RAPH1: variants seen among roughly 807,000 people sequenced by gnomAD.
RAPH1 encodes the protein ras-associated and pleckstrin homology domains-containing protein 1.
A neutral mutation model predicts 88.1 loss-of-function variants in RAPH1; 18 were observed. The ratio of observed to expected loss-of-function variants is 0.20; its 90% CI spans 0.14 to 0.30. The LOEUF is 0.30. RAPH1 is among the 10% of genes least tolerant of loss of function. RAPH1 has a pLI of 1.00. For synonymous variants in RAPH1, 587 were observed against 559.0 expected (o/e 1.05, Z -0.71); for missense variants, 1,448 against 1,543.2 (o/e 0.94, Z 1.03).
intron 4 of RAPH1, among the ~76,000 whole-genome samples, chr2:203,474,063 C>T (rs2098535345): frequency 6.6e-6 from 1 of 152,108 alleles, no homozygotes; most frequent in African/African-American, 2.4e-5. Flanking sequence ...GGTATCTAAC[C>T]CCAAATTAGC....
At chr2:203,447,057 G>A (rs2098510441) in intron 12 of RAPH1, 1 of 151,992 alleles carries the variant, frequency 6.6e-6, no homozygotes, top group Admixed American at 6.6e-5. Context: ...TGGCCCTACT[G>A]TCGTTTTTTA....
chr2:203,516,790 T>C (rs544677147), intron 1 of RAPH1, among the ~76,000 whole-genome samples: 6 of 151,532 alleles, frequency 4.0e-5, no homozygotes, highest in South Asian at 2.1e-4. Context: ...TCCCAGCACT[T>C]TGGGAGGCCA....
intron 10 of RAPH1, among the ~76,000 whole-genome samples, chr2:203,451,011 C>T (rs1479880311): frequency 6.6e-6 from 1 of 151,740 alleles, no homozygotes; most frequent in Non-Finnish European, 1.5e-5. Flanking sequence ...CTGAAGAGTA[C>T]TATGGTATAA....
At chr2:203,464,322 A>C (rs1221458237) in intron 4 of RAPH1, among the ~76,000 whole-genome samples, 2 of 152,172 alleles carry the variant, frequency 1.3e-5, no homozygotes, top group Non-Finnish European at 2.9e-5. Flanking sequence ...CCCAGGCTGG[A>C]GTGCAGTGGC....
rs561125011 is a variant in RAPH1, at chr2:203,434,399, C to A, written c.*5038G>T. 7 of 152,636 alleles carry A rather than the reference C, an allele frequency of 4.6e-5. No homozygotes were observed. The South Asian group carries it at 8.3e-4, about 18-fold the overall frequency. 9.5% of individuals were successfully genotyped at this position (152,636 alleles called of 1,614,324 possible). ...TCCCAGTTAAATATAATGTGCAATT[C>A]CCCTTTAACAGTAAACAATGTTTTT... On this transcript the variant is annotated 3_prime_UTR_variant, in exon 14 of 14. Transcript: ENST00000319170.
intron 1 of RAPH1, among the ~76,000 whole-genome samples, chr2:203,534,877 G>C (rs1420580423): frequency 6.6e-6 from 1 of 151,996 alleles, no homozygotes; most frequent in Admixed American, 6.5e-5. Context: ...AGGGGCGCAG[G>C]GTGCAGTCCA....
chr2:203,495,505 A>G lies in RAPH1; in HGVS notation c.1-152T>C, dbSNP rs182310621. The stretch of plus-strand genomic sequence containing the variant: ...TCTAAAAGAAAATCTTAAGTCATTA[A>G]TGGAGACAGTGTTCACAAGTGAGTA... On this transcript the variant is annotated intron_variant, in intron 1 of 13. Transcript: ENST00000319170. 1,896 of 739,924 alleles carry G rather than the reference A, an allele frequency of 2.6e-3. 20 individuals carry two copies. The Middle Eastern group carries it at 0.031, about 12-fold the overall frequency. 45.8% of individuals were successfully genotyped at this position (739,924 alleles called of 1,614,324 possible).
intron 1 of RAPH1, among the ~76,000 whole-genome samples, chr2:203,512,161 G>A (rs1239187763): frequency 2.0e-5 from 3 of 151,344 alleles, no homozygotes; most frequent in South Asian, 4.2e-4. Flanking sequence ...GGTGGTGGTG[G>A]CTCACACCTA....
intron 4 of RAPH1, among the ~76,000 whole-genome samples, chr2:203,475,373 C>T (rs1687366527): frequency 1.3e-5 from 2 of 152,010 alleles, no homozygotes; most frequent in South Asian, 4.2e-4. Context: ...CGCCACTGCA[C>T]TCCAGCCTGG....
At chr2:203,470,412 T>C in intron 4 of RAPH1, 1 of 656,336 alleles carries the variant, frequency 1.5e-6, no homozygotes, top group Admixed American at 2.9e-5. Flanking sequence ...GCAAGAATGA[T>C]TCTCTATAAT....
chr2:203,528,781 A>G (rs1419194753), intron 1 of RAPH1, among the ~76,000 whole-genome samples: 3 of 151,916 alleles, frequency 2.0e-5, no homozygotes, highest in African/African-American at 7.2e-5. Flanking sequence ...CTATTCACAG[A>G]TAAGTAGGAT....
At chr2:203,514,052 AGGCTGGTCTCAAACTCCTG>A (rs1689488139) in intron 1 of RAPH1, among the ~76,000 whole-genome samples, 1 of 152,018 alleles carries the variant, frequency 6.6e-6, no homozygotes, top group Non-Finnish European at 1.5e-5. Context: ...CATGTTGGGC[AGGCTGGTCTCAAACTCCTG>A]GCCTCAAGTG....
chr2:203,512,367 A>AC (rs1312994646), intron 1 of RAPH1, among the ~76,000 whole-genome samples: 5 of 151,140 alleles, frequency 3.3e-5, no homozygotes, highest in African/African-American at 1.2e-4. Flanking sequence ...AAAAAAAAAA[A>AC]AAAACCCAAA....
Position 203,440,779 on chromosome 2 carries a change from G to A in RAPH1, c.2411C>T (p.Pro804Leu). Reference protein sequence around the residue: ...VAPVVTQAAPPTPTPPVPPAK... With the variant: ...VAPVVTQAAPLTPTPPVPPAK... ...TGGGGGCACTGGAGGAGTAGGTGTG[G>A]GTGGTGCAGCTTGAGTCACAACAGG... Residue 804 changes from proline to leucine, a missense_variant, in exon 14 of 14, where the codon CCC becomes CTC. By Grantham distance (98) the Pro-to-Leu change is moderately conservative. Around this residue, in one of 2 missense-constraint regions of RAPH1, gnomAD observed 935 missense variants for 890.1 expected, o/e 1.05. Coordinates refer to ENST00000319170, the MANE Select transcript of RAPH1 (RefSeq NM_213589.3). The A allele has an allele frequency of 6.2e-7, 1 of 1,611,470 alleles. No homozygotes were observed. The highest frequency in any genetic ancestry group is 8.5e-7 in the Non-Finnish European group (1 of 1,179,222).
chr2:203,441,155 G>T lies in RAPH1; in HGVS notation c.2035C>A (p.His679Asn). The change falls in exon 14 of 14, where the codon CAT becomes AAT. Residue 679 changes from histidine to asparagine, a missense_variant. Physicochemically the swap from His to Asn is moderately conservative, Grantham distance 68. Coordinates refer to ENST00000319170, the MANE Select transcript of RAPH1 (RefSeq NM_213589.3). ...TITRLQNASQ[H>N]SGALFKPPTP... ...GGCGGCTTAAACAGGGCCCCTGAATGCTGAGACGCATTCTGTAGCCGTGTT... is the reference window on the plus strand; with the variant it reads ...GGCGGCTTAAACAGGGCCCCTGAATTCTGAGACGCATTCTGTAGCCGTGTT... The T allele has an allele frequency of 6.2e-7, 1 of 1,612,780 alleles. No individual in the cohort carries two copies. Among genetic ancestry groups the T allele is most frequent in the South Asian group, 1.1e-5 (1 of 91,032 alleles).
chr2:203,515,791 A>T (rs548487403), intron 1 of RAPH1, among the ~76,000 whole-genome samples: 35 of 152,344 alleles, frequency 2.3e-4, no homozygotes, highest in Admixed American at 9.1e-4. Context: ...TCACCCTTCA[A>T]AAGTGAAGGA....
intron 1 of RAPH1, among the ~76,000 whole-genome samples, chr2:203,522,312 G>A (rs1412438004): frequency 6.6e-6 from 1 of 152,158 alleles, no homozygotes; most frequent in Admixed American, 6.5e-5. Flanking sequence ...ATAAAGCTAT[G>A]TGTAAATAAT....
In RAPH1 at chr2:203,444,957, G is replaced by A; in HGVS notation, c.1687C>T (p.Pro563Ser). 1 of 1,614,120 alleles carries A rather than the reference G, an allele frequency of 6.2e-7. No homozygotes were observed. The highest frequency in any genetic ancestry group is 1.1e-5 in the South Asian group (1 of 91,082). ...CTCTGGGAACGGACGTGTCCTGCTGGCTGGGTGTCAGAAACTCCGCTATCA... is the reference window on the plus strand; with the variant it reads ...CTCTGGGAACGGACGTGTCCTGCTGACTGGGTGTCAGAAACTCCGCTATCA... ...QSDSGVSDTQPAGHVRSQSIV... is the reference protein window; with the variant it reads ...QSDSGVSDTQSAGHVRSQSIV... Residue 563 changes from proline to serine, a missense_variant, in exon 13 of 14, where the codon CCA becomes TCA. Around this residue, in one of 2 missense-constraint regions of RAPH1, gnomAD observed 935 missense variants for 890.1 expected, o/e 1.05. Coordinates refer to ENST00000319170, the MANE Select transcript of RAPH1 (RefSeq NM_213589.3).
chr2:203,526,939 A>C (rs922776386), intron 1 of RAPH1, among the ~76,000 whole-genome samples: 1 of 151,970 alleles, frequency 6.6e-6, no homozygotes, highest in Admixed American at 6.5e-5. Flanking sequence ...ACATGCCACC[A>C]CACCCAGCTA....
Sources: allele counts gnomAD v4.1 joint callset (sites outside exome capture counted in the v4.1 genomes callset), GRCh38; gene constraint gnomAD v4.1.1; regional missense constraint gnomAD v4.1.1; transcripts MANE v1.5; gene names NCBI Gene and HGNC (gene_info 2026-07-23, HGNC 2026-07-21).